Variants in DIP2C observed in about 807,000 individuals in gnomAD.
DIP2C encodes disco-interacting protein 2 homolog C.
A neutral mutation model predicts 192.4 loss-of-function variants in DIP2C; 33 were observed. That is an observed-to-expected ratio of 0.17 (90% confidence interval 0.13 to 0.23). DIP2C has a LOEUF of 0.23. Ranked by LOEUF, DIP2C falls within the 10% of genes least tolerant of loss-of-function variation. DIP2C has a pLI of 1.00. For synonymous variants in DIP2C, 979 were observed against 864.1 expected (o/e 1.13, Z -2.33); for missense variants, 1,537 against 2,110.1 (o/e 0.73, Z 5.32).
chr10:459,247 A>G (rs1173504029), intron 3 of DIP2C, among the ~76,000 whole-genome samples: 1 of 151,426 alleles, frequency 6.6e-6, no homozygotes, highest in Non-Finnish European at 1.5e-5. Context: ...CTGTGCACTC[A>G]GGAGACAAAG....
At chr10:500,733 A>G (rs1845166378) in intron 1 of DIP2C, among the ~76,000 whole-genome samples, 1 of 152,246 alleles carries the variant, frequency 6.6e-6, no homozygotes, top group Non-Finnish European at 1.5e-5. Flanking sequence ...CAATGACTCC[A>G]ATGATTTTCT....
At chr10:356,229 G>GGT in intron 24 of DIP2C, 197 bp downstream of exon 24, 1 of 666,076 alleles carries the variant, frequency 1.5e-6, no homozygotes, top group Non-Finnish European at 2.7e-6. Flanking sequence ...CACACAAATA[G>GGT]GTGTAAATAA....
chr10:390,000 A>T lies in DIP2C; in HGVS notation c.1588T>A (p.Tyr530Asn), dbSNP rs1963330008. 1 of 1,613,324 alleles carries T rather than the reference A, an allele frequency of 6.2e-7. No homozygotes were observed. Residue 530 changes from tyrosine to asparagine, a missense_variant, in exon 13 of 37, where the codon TAC becomes AAC. This residue lies in a region of DIP2C where 677 missense variants were observed against 989.9 expected (regional missense o/e 0.68). Transcript: ENST00000280886. ...GGGTCTGGCACCCCACCTTCCGTGT[A>T]GCCACACGCCTGCGTCAGGGCCTGG... ...HCQALTQACG[Y>N]TEAETIVNVL... is the part of the protein sequence containing the mutation.
intron 2 of DIP2C, among the ~76,000 whole-genome samples, chr10:476,157 G>A (rs755893933): frequency 6.6e-6 from 1 of 152,116 alleles, no homozygotes; most frequent in Non-Finnish European, 1.5e-5. Flanking sequence ...GAGATGGGGT[G>A]GCTGCCTTCA....
chr10:535,233 G>A (rs1847634170), intron 1 of DIP2C, among the ~76,000 whole-genome samples: 1 of 152,102 alleles, frequency 6.6e-6, no homozygotes. Flanking sequence ...CCCTAGGCGT[G>A]GGCTGAGCTG....
chr10:292,440 G>C (rs1415614694), intron 32 of DIP2C, among the ~76,000 whole-genome samples: 1 of 152,230 alleles, frequency 6.6e-6, no homozygotes, highest in Non-Finnish European at 1.5e-5. Flanking sequence ...AAGTGGACTT[G>C]AAGTTCGGAC....
intron 1 of DIP2C, among the ~76,000 whole-genome samples, chr10:525,944 T>C (rs1445060756): frequency 1.3e-5 from 2 of 152,206 alleles, no homozygotes; most frequent in South Asian, 2.1e-4. Context: ...GGTGAGCTGC[T>C]GCCCAGAGGC....
chr10:431,627 C>A (rs923465337), intron 4 of DIP2C, among the ~76,000 whole-genome samples: 1 of 152,126 alleles, frequency 6.6e-6, no homozygotes, highest in African/African-American at 2.4e-5. Flanking sequence ...GAAATTCGTT[C>A]AACTTTTGTA....
At chr10:502,386 A>G (rs1845297181) in intron 1 of DIP2C, among the ~76,000 whole-genome samples, 1 of 152,238 alleles carries the variant, frequency 6.6e-6, no homozygotes, top group Non-Finnish European at 1.5e-5. Context: ...AAAAATTAAA[A>G]TCTATGAAAT....
At chr10:575,634 G>A (rs551016467) in intron 1 of DIP2C, among the ~76,000 whole-genome samples, 94 of 152,306 alleles carry the variant, frequency 6.2e-4, no homozygotes, top group African/African-American at 2.1e-3. Context: ...AAGCCTTCCA[G>A]ACATGACATC....
At chr10:324,953 C>CT (rs35892140) in intron 31 of DIP2C, 2 of 533,052 alleles carry the variant, frequency 3.8e-6, no homozygotes, top group East Asian at 5.4e-5. Flanking sequence ...GAGCGTACTC[C>CT]TTCCTTGTAA....
chr10:635,663 G>T (rs763571643), intron 1 of DIP2C, among the ~76,000 whole-genome samples: 1 of 152,232 alleles, frequency 6.6e-6, no homozygotes. Flanking sequence ...CCAGCTGCGG[G>T]CACTGCCCCA....
chr10:365,538 A>G (rs1202292843), intron 19 of DIP2C, among the ~76,000 whole-genome samples: 1 of 152,266 alleles, frequency 6.6e-6, no homozygotes, highest in Non-Finnish European at 1.5e-5. Context: ...CCCTGTCTCA[A>G]CAACAACCAA....
At chr10:354,403 A>G (rs1448730751) in intron 24 of DIP2C, among the ~76,000 whole-genome samples, 3 of 152,210 alleles carry the variant, frequency 2.0e-5, no homozygotes, top group Non-Finnish European at 4.4e-5. Flanking sequence ...GCCCAGGACC[A>G]TGGCACCACC....
chr10:473,162 C>T (rs1970773446), intron 2 of DIP2C, among the ~76,000 whole-genome samples: 1 of 152,154 alleles, frequency 6.6e-6, no homozygotes, highest in African/African-American at 2.4e-5. Context: ...TTAATGCGGT[C>T]AGATAAAAAC....
intron 32 of DIP2C, among the ~76,000 whole-genome samples, chr10:304,549 A>C (rs1956213673): frequency 1.5e-5 from 1 of 67,106 alleles, no homozygotes; most frequent in Admixed American, 2.1e-4. Context: ...ATGTATGCAC[A>C]CGAATGCACA....
At chr10:639,002 C>T (rs1854988096) in intron 1 of DIP2C, among the ~76,000 whole-genome samples, 3 of 152,220 alleles carry the variant, frequency 2.0e-5, no homozygotes, top group Admixed American at 2.0e-4. Flanking sequence ...ACACGGAGCC[C>T]GCACACAATC....
rs1352276248 is a variant in DIP2C at position 363,943 on chromosome 10, C to CA, written c.2477+430dup. Among the ~76,000 whole-genome samples the CA allele has an allele frequency of 6.6e-6, 1 of 152,136 alleles. No homozygotes were observed. The highest frequency in any genetic ancestry group is 1.5e-5 in the Non-Finnish European group (1 of 68,030). ...GCAACTTATTTCATCACGGAGCCTC[C>CA]ACTGTGCACCAGGCAAGGCAGGGAG... On this transcript the variant is annotated intron_variant, in intron 20 of 36. Transcript: ENST00000280886. This position sits in a 1 kb window ranked among gnomAD's most constrained non-coding sequence, Gnocchi z 5.4.
intron 1 of DIP2C, among the ~76,000 whole-genome samples, chr10:598,843 T>A (rs777182116): frequency 3.9e-5 from 6 of 152,252 alleles, no homozygotes; most frequent in Non-Finnish European, 7.3e-5. Flanking sequence ...GACATCTTTG[T>A]AACTCTGCAT....
Sources: gnomAD v4.1 joint callset for allele counts (sites outside exome capture counted in the v4.1 genomes callset) on GRCh38, gnomAD v4.1.1 for gene constraint, gnomAD v4.1.1 regional missense constraint, Gnocchi (gnomAD v3.1) non-coding constraint, MANE v1.5 for transcripts, NCBI Gene and HGNC (gene_info 2026-07-23, HGNC 2026-07-21) for gene names.